USHBP1: variants seen among roughly 807,000 people sequenced by gnomAD.
USHBP1 encodes harmonin-binding protein USHBP1.
A neutral mutation model predicts 76.2 loss-of-function variants in USHBP1; 67 were observed. That is an observed-to-expected ratio of 0.88 (90% CI 0.72 to 1.08). The LOEUF (loss-of-function observed/expected upper bound fraction) is 1.08, where lower values mean the gene tolerates loss of function less well. Ranked by LOEUF, USHBP1 falls within the 50% of genes least tolerant of loss-of-function variation. The pLI, the probability that USHBP1 is intolerant of heterozygous loss-of-function variation, is 0.00. For missense variants in USHBP1, 931 were observed against 915.0 expected (o/e 1.02, Z -0.23); for synonymous variants, 322 against 362.2 (o/e 0.89, Z 1.26).
At chr19:17,255,641 T>G in intron 9 of USHBP1, 35 bp from the exon 10 acceptor site, 4 of 1,556,960 alleles carry the variant, frequency 2.6e-6, no homozygotes, top group Non-Finnish European at 2.6e-6. Flanking sequence ...GAATTTATGC[T>G]TCTACGGTCA....
rs747540986 is a variant in USHBP1, at chr19:17,255,377, C to T, written c.1692+8G>A. ...ACTCCCCTACCAGGTTCAGGCAGGG[C>T]AGCTCACCTGATACCACTCTTCCTC... On this transcript the variant is annotated splice_region_variant and intron_variant, in intron 10 of 12. Transcript: ENST00000252597. 6 of 1,612,338 alleles carry T rather than the reference C, an allele frequency of 3.7e-6. No individual in the cohort carries two copies. Among genetic ancestry groups the T allele is most frequent in the Admixed American group, 1.7e-5 (1 of 59,924 alleles).
intron 9 of USHBP1, among the ~76,000 whole-genome samples, 198 bp from the exon 10 acceptor site, chr19:17,255,804 G>A (rs916275199): frequency 6.6e-6 from 1 of 152,032 alleles, no homozygotes; most frequent in Non-Finnish European, 1.5e-5. Flanking sequence ...AGTTCGAGAC[G>A]AGCCTGGCCA....
At chr19:17,257,858 G>A in intron 8 of USHBP1, among the ~76,000 whole-genome samples, 1 of 151,994 alleles carries the variant, frequency 6.6e-6, no homozygotes, top group Non-Finnish European at 1.5e-5. Context: ...CATGTTACAA[G>A]GGCTGGTCTT....
At position 17,251,713 on chromosome 19, in the gene USHBP1, AAGG is replaced by A. The variant is rs2073554849; in HGVS notation, c.1800-12_1800-10del. 2.5e-6 allele frequency: 4 copies of A among 1,612,442 alleles called. No homozygotes were observed. The highest frequency in any genetic ancestry group is 3.3e-5 in the Admixed American group (2 of 59,980). On this transcript the variant is annotated splice_polypyrimidine_tract_variant and intron_variant, in intron 11 of 12. Coordinates refer to ENST00000252597, the MANE Select transcript of USHBP1 (RefSeq NM_031941.4). ...CCTGCAGGTCCAGTGTCCTGTTGCG[AAGG>A]AGAAGAGAGGGGGCTCACAGCCCCA... is the stretch of plus-strand genomic sequence containing the variant.
chr19:17,259,531 T>C, intron 6 of USHBP1, 65 bp downstream of exon 6: 3 of 1,604,676 alleles, frequency 1.9e-6, no homozygotes, highest in African/African-American at 1.3e-5. Flanking sequence ...TTCAGACTCC[T>C]GGCTTTATAA....
intron 9 of USHBP1, 144 bp downstream of exon 9, chr19:17,256,327 C>T (rs926488304): frequency 1.9e-5 from 25 of 1,315,148 alleles, no homozygotes; most frequent in Non-Finnish European, 2.4e-5. Flanking sequence ...CTATTAATCC[C>T]TCAAAACCCC....
At chr19:17,257,642 CAAAAAAAAAAAAA>C (rs778148447) in intron 8 of USHBP1, among the ~76,000 whole-genome samples, 2 of 39,574 alleles carry the variant, frequency 5.1e-5, no homozygotes, top group Admixed American at 2.7e-4. Context: ...AACTCTGTCT[CAAAAAAAAAAAAA>C]AAAAAAAAAA....
Position 17,255,571 on chromosome 19 carries a change from C to A in USHBP1, c.1506G>T (p.Leu502=). The change falls in exon 10 of 13, where the codon CTG becomes CTT. Residue 502 remains leucine, a synonymous_variant. Coordinates refer to ENST00000252597, the MANE Select transcript of USHBP1 (RefSeq NM_031941.4). Reference sequence around the variant, plus strand: ...CTAGGCCCCGCTTCTCACGCCGCACCAGCTGCAGCCGAAGCATCAGGTCCG... The same window carrying A: ...CTAGGCCCCGCTTCTCACGCCGCACAAGCTGCAGCCGAAGCATCAGGTCCG... ...ALADLMLRLQ[L]VRREKRGLEL... 6.2e-7 allele frequency: 1 copy of A among 1,612,630 alleles called. No homozygotes were observed. Among genetic ancestry groups the A allele is most frequent in the South Asian group, 1.1e-5 (1 of 91,004 alleles).
chr19:17,251,617 A>C lies in USHBP1; in HGVS notation c.1887T>G (p.Ser629Arg). Residue 629 changes from serine to arginine, a missense_variant, in exon 12 of 13, where the codon AGT (serine) becomes AGG (arginine). Transcript: ENST00000252597. Reference sequence around the variant, plus strand: ...TGCATAAATCCCTGTTCAGCTCGGCACTCTGAGACCGTCTGGCTCGCCCCT... The same window carrying C: ...TGCATAAATCCCTGTTCAGCTCGGCCCTCTGAGACCGTCTGGCTCGCCCCT... ...AQKGRARRSQ[S>R]AELNRDLCKA... The C allele has an allele frequency of 1.2e-6, 2 of 1,613,838 alleles. No individual in the cohort carries two copies. Among genetic ancestry groups the C allele is most frequent in the Non-Finnish European group, 1.7e-6 (2 of 1,179,948 alleles).
rs138680472 is a variant in USHBP1, at chr19:17,262,625, C to G, written c.569G>C (p.Arg190Pro). The G allele has an allele frequency of 1.5e-4, 246 of 1,613,744 alleles. No individual in the cohort carries two copies. Among genetic ancestry groups the G allele is most frequent in the Non-Finnish European group, 1.6e-4 (193 of 1,180,012 alleles). ...CTGCGTGCGGACCAGCTCATCCTCT[C>G]GGCTACTCAGGGCCAGCCGGAGCCA... ...NAWLRLALSS[R>P]EDELVRTQAS... The change falls in exon 4 of 13, where the codon CGA becomes CCA. Residue 190 changes from arginine to proline, a missense_variant. Coordinates refer to ENST00000252597, the MANE Select transcript of USHBP1 (RefSeq NM_031941.4).
chr19:17,260,633 A>T (rs2073675578), intron 4 of USHBP1, among the ~76,000 whole-genome samples: 1 of 152,192 alleles, frequency 6.6e-6, no homozygotes, highest in East Asian at 1.9e-4. Context: ...CCCAGCAGCC[A>T]CATGGCTTTA....
At position 17,259,338 on chromosome 19, in the gene USHBP1, C is replaced by G. The variant is rs772022839; in HGVS notation, c.997G>C (p.Gly333Arg). 6.2e-7 allele frequency: 1 copy of G among 1,614,198 alleles called. No individual in the cohort carries two copies. Among genetic ancestry groups the G allele is most frequent in the Non-Finnish European group, 8.5e-7 (1 of 1,180,044 alleles). Residue 333 changes from glycine (G) to arginine (R), a missense_variant, in exon 7 of 13, where the codon GGC becomes CGC. Transcript: ENST00000252597. ...GCTGTGGCCTCAGCCTCCCGCTGGC[C>G]TAGCTGCATGCTGAGGCCTTCACAG... ...GRCEGLSMQL[G>R]QREAEATALH...
intron 12 of USHBP1, 112 bp from the exon 13 acceptor site, chr19:17,250,526 T>A: frequency 4.0e-6 from 5 of 1,244,574 alleles, no homozygotes; most frequent in Non-Finnish European, 5.6e-6. Context: ...TCTCCAAGGG[T>A]CCCAGCTAGC....
rs765938330 is a variant in USHBP1, at chr19:17,251,549, C to T, written c.1922+33G>A. 23 of 1,612,006 alleles carry T rather than the reference C, an allele frequency of 1.4e-5. No individual in the cohort carries two copies. In the Middle Eastern group the frequency reaches 6.6e-4, roughly 46 times the overall value. On this transcript the variant is annotated intron_variant, in intron 12 of 12. Coordinates refer to ENST00000252597, the MANE Select transcript of USHBP1 (RefSeq NM_031941.4). ...CTGATATCCTGGTGGGGGATGGTGCCAGGGGGATTGGGGGGATGCAGAACA... is the reference window on the plus strand; with the variant it reads ...CTGATATCCTGGTGGGGGATGGTGCTAGGGGGATTGGGGGGATGCAGAACA...
chr19:17,260,894 C>T (rs1374139262), intron 4 of USHBP1, among the ~76,000 whole-genome samples: 1 of 152,188 alleles, frequency 6.6e-6, no homozygotes, highest in Admixed American at 6.5e-5. Flanking sequence ...TTCTCTCTAG[C>T]CTTCACGCTC....
chr19:17,264,207 C>T (rs1205199712), intron 2 of USHBP1, 39 bp downstream of exon 2: 18 of 1,613,086 alleles, frequency 1.1e-5, no homozygotes, highest in Non-Finnish European at 1.5e-5. Context: ...CCTTGGGGTC[C>T]CCAGGATCTG....
intron 4 of USHBP1, 115 bp downstream of exon 4, chr19:17,262,437 C>T: frequency 8.0e-7 from 1 of 1,243,798 alleles, no homozygotes; most frequent in African/African-American, 1.5e-5. Context: ...TGTCAGCCAC[C>T]ACACCCAGCC....
At chr19:17,259,207 G>A (rs973042405) in intron 7 of USHBP1, 82 bp downstream of exon 7, 17 of 1,513,534 alleles carry the variant, frequency 1.1e-5, no homozygotes, top group Non-Finnish European at 1.3e-5. Context: ...GTGCTCTCCA[G>A]TGAGGGTTCT....
At chr19:17,252,895 A>C (rs867414434) in intron 10 of USHBP1, among the ~76,000 whole-genome samples, 7 of 152,120 alleles carry the variant, frequency 4.6e-5, no homozygotes, top group Admixed American at 1.3e-4. Flanking sequence ...TCAAAAAAAA[A>C]AACAACAAAA....
Sources: allele counts gnomAD v4.1 joint callset (sites outside exome capture counted in the v4.1 genomes callset), GRCh38; gene constraint gnomAD v4.1.1; transcripts MANE v1.5; gene names NCBI Gene and HGNC (gene_info 2026-07-23, HGNC 2026-07-21).